The following ACBD3 variants were observed in gnomAD, a reference collection of about 807,000 sequenced individuals.
The protein encoded by ACBD3 is Golgi resident protein GCP60.
A neutral mutation model predicts 66.9 loss-of-function variants in ACBD3; 30 were observed. The observed-to-expected ratio is 0.45, with a 90% CI of 0.34 to 0.61. ACBD3 has a LOEUF of 0.61. ACBD3 is among the 20% of genes least tolerant of loss of function. ACBD3 has a pLI of 0.02. For missense variants in ACBD3, 544 were observed against 664.5 expected, an observed-to-expected ratio of 0.82 and a Z score of 1.99; for synonymous variants, 278 against 259.8, an observed-to-expected ratio of 1.07 and a Z score of -0.68.
intron 7 of ACBD3, among the ~76,000 whole-genome samples, chr1:226,149,527 A>ATTTTTTTTTTTT (rs1558122597): frequency 2.9e-5 from 1 of 34,182 alleles, no homozygotes; most frequent in Non-Finnish European, 5.6e-5. Flanking sequence ...GCGCCCAGCC[A>ATTTTTTTTTTTT]TCTTTTTTTT....
Position 226,170,221 on chromosome 1 carries a change from G to C in ACBD3, c.287-4221C>G, listed in dbSNP as rs559575783. On this transcript the variant is annotated intron_variant, in intron 1 of 7. Transcript: ENST00000366812. ...CACCCAGGCTGGAGTGCAGTGGCAT[G>C]ATCTCGGTTCACTGCAAGCTCTGCC... Among the ~76,000 whole-genome samples the C allele has an allele frequency of 4.6e-3, 671 of 144,534 alleles. 2 individuals carry two copies. The highest frequency in any genetic ancestry group is 7.1e-3 in the Non-Finnish European group (472 of 66,870). The allele number at this position is 144,534 out of a possible 152,430, so 94.8% of individuals were successfully genotyped here.
intron 1 of ACBD3, among the ~76,000 whole-genome samples, chr1:226,186,087 T>C (rs1485391241): frequency 6.6e-6 from 1 of 152,226 alleles, no homozygotes; most frequent in Non-Finnish European, 1.5e-5. Context: ...GAAAGTGGGC[T>C]CATTCTTCCA....
rs1656330397 is a variant in ACBD3, at chr1:226,186,730, C to T, written c.-55G>A. The T allele has an allele frequency of 1.4e-6, 2 of 1,419,646 alleles. No homozygotes were observed. Among genetic ancestry groups the T allele is most frequent in the Non-Finnish European group, 1.8e-6 (2 of 1,088,022 alleles). The allele number at this position is 1,419,646 out of a possible 1,614,324, so 87.9% of individuals were successfully genotyped here. A position where few individuals can be genotyped will look rare whatever the true frequency, so the allele number is the denominator to read the frequency against. On this transcript the variant is annotated 5_prime_UTR_variant, in exon 1 of 8. Transcript: ENST00000366812. ...CAGACGGCAGCCACGTATCGACTTC[C>T]TGCTGACCTCTGACCTCCGCTTACC...
At chr1:226,147,703 A>G (rs1406038965) in intron 7 of ACBD3, among the ~76,000 whole-genome samples, 2 of 152,234 alleles carry the variant, frequency 1.3e-5, no homozygotes, top group African/African-American at 4.8e-5. Flanking sequence ...AATTTAACCC[A>G]GAGATGATCT....
intron 1 of ACBD3, among the ~76,000 whole-genome samples, chr1:226,178,835 C>T (rs1455270922): frequency 6.6e-6 from 1 of 152,150 alleles, no homozygotes; most frequent in Non-Finnish European, 1.5e-5. Flanking sequence ...TGCTTGAATA[C>T]TTCCTGGTGA....
rs1366938696 is a variant in ACBD3 at position 226,164,940 on chromosome 1, T to C, written c.429-11A>G. On this transcript the variant is annotated splice_polypyrimidine_tract_variant and intron_variant, in intron 2 of 7. Transcript: ENST00000366812. Reference sequence around the variant, plus strand: ...GCTGCCCATTCTCTCCTGTAAGGAATAACAAGAAAAGTTACCTCCCCTTCT... The same window carrying C: ...GCTGCCCATTCTCTCCTGTAAGGAACAACAAGAAAAGTTACCTCCCCTTCT... 2 of 1,536,738 alleles carry C rather than the reference T, an allele frequency of 1.3e-6. No individual in the cohort carries two copies. Among genetic ancestry groups the C allele is most frequent in the Non-Finnish European group, 1.7e-6 (2 of 1,143,678 alleles).
At chr1:226,148,438 T>C (rs551666641) in intron 7 of ACBD3, among the ~76,000 whole-genome samples, 1 of 152,342 alleles carries the variant, frequency 6.6e-6, no homozygotes, top group East Asian at 1.9e-4. Flanking sequence ...ACCACAGAAA[T>C]ACCTATAATT....
chr1:226,152,426 C>T lies in ACBD3; in HGVS notation c.1284G>A (p.Gly428=). 6.2e-7 allele frequency: 1 copy of T among 1,614,210 alleles called. No homozygotes were observed. The highest frequency in any genetic ancestry group is 8.5e-7 in the Non-Finnish European group (1 of 1,180,040). ...WEFATDNYDI[G]FGVYFEWTDS... The stretch of plus-strand genomic sequence containing the variant: ...CTGTCCATTCAAAATACACCCCAAA[C>T]CCAATGTCATAATTGTCTGTGGCAA... The change falls in exon 7 of 8, where the codon GGG becomes GGA. Residue 428 remains glycine, a synonymous_variant. Transcript: ENST00000366812.
At position 226,186,378 on chromosome 1, in the gene ACBD3, G is replaced by A. The variant is rs905203701; in HGVS notation, c.286+12C>T. On this transcript the variant is annotated intron_variant, in intron 1 of 7. Transcript: ENST00000366812. ...GGGCAGAAGCGGCGGGGGTGGGGCT[G>A]GCCCGGCTCACCTTTGAAGAAGCGC... is the stretch of plus-strand genomic sequence containing the variant. 236 of 1,511,108 alleles carry A rather than the reference G, an allele frequency of 1.6e-4. No individual in the cohort carries two copies. Among genetic ancestry groups the A allele is most frequent in the Non-Finnish European group, 2.0e-4 (231 of 1,129,554 alleles). The allele number at this position is 1,511,108 out of a possible 1,614,324, so 93.6% of individuals were successfully genotyped here. A position where few individuals can be genotyped will look rare whatever the true frequency, so the allele number is the denominator to read the frequency against.
intron 1 of ACBD3, among the ~76,000 whole-genome samples, chr1:226,178,565 A>T (rs1417286437): frequency 1.0e-5 from 1 of 97,046 alleles, no homozygotes. Context: ...ACAGAGCAAG[A>T]CTCCGTCTCA....
At chr1:226,175,091 C>CAAAAAAA (rs35201518) in intron 1 of ACBD3, among the ~76,000 whole-genome samples, 4 of 75,978 alleles carry the variant, frequency 5.3e-5, no homozygotes, top group Middle Eastern at 6.5e-3. Context: ...GACTCCATCT[C>CAAAAAAA]AAAAAAAAAA....
At position 226,183,961 on chromosome 1, in the gene ACBD3, G is replaced by A. The variant is rs924919222; in HGVS notation, c.286+2429C>T. On this transcript the variant is annotated intron_variant, in intron 1 of 7. Coordinates refer to ENST00000366812, the MANE Select transcript of ACBD3 (RefSeq NM_022735.4). ...AATCCCAGCACTTTGGGAGGCTGAC[G>A]CAGGAGGATCACGAGGTCAGGAAAT... Among the ~76,000 whole-genome samples the A allele has an allele frequency of 4.6e-5, 7 of 150,564 alleles. 1 individual carries two copies. The highest frequency in any genetic ancestry group is 1.2e-4 in the African/African-American group (5 of 40,798).
intron 2 of ACBD3, among the ~76,000 whole-genome samples, chr1:226,165,477 T>G (rs922538799): frequency 6.6e-6 from 1 of 152,192 alleles, no homozygotes; most frequent in Non-Finnish European, 1.5e-5. Flanking sequence ...GGCCTATTTT[T>G]CTTATATAAT....
chr1:226,156,980 A>T (rs1209175531), intron 5 of ACBD3, among the ~76,000 whole-genome samples: 1 of 152,216 alleles, frequency 6.6e-6, no homozygotes, highest in Admixed American at 6.5e-5. Flanking sequence ...ATAGATTGTA[A>T]TGATATATTT....
At chr1:226,147,034 G>A (rs1659468064) in intron 7 of ACBD3, among the ~76,000 whole-genome samples, 1 of 152,118 alleles carries the variant, frequency 6.6e-6, no homozygotes, top group Non-Finnish European at 1.5e-5. Flanking sequence ...TGGGATTACA[G>A]GCGTGCACCA....
At chr1:226,171,149 C>T (rs1222943868) in intron 1 of ACBD3, among the ~76,000 whole-genome samples, 1 of 116,862 alleles carries the variant, frequency 8.6e-6, no homozygotes, top group Non-Finnish European at 1.8e-5. Flanking sequence ...GGTAAGTAAA[C>T]AATTTTTTTT....
intron 1 of ACBD3, among the ~76,000 whole-genome samples, chr1:226,168,303 G>A (rs552385376): frequency 6.6e-6 from 1 of 152,232 alleles, no homozygotes; most frequent in Non-Finnish European, 1.5e-5. Flanking sequence ...TGAAAGAAGG[G>A]AAAGCAAAAC....
intron 1 of ACBD3, among the ~76,000 whole-genome samples, chr1:226,182,006 G>A (rs1201297897): frequency 6.6e-6 from 1 of 151,926 alleles, no homozygotes; most frequent in African/African-American, 2.4e-5. Context: ...CAAGGCGGGT[G>A]AATCGCTTGA....
intron 1 of ACBD3, 96 bp downstream of exon 1, chr1:226,186,294 G>A (rs1656304601): frequency 1.5e-6 from 2 of 1,358,878 alleles, no homozygotes; most frequent in Admixed American, 3.5e-5. Flanking sequence ...ATGAGTGGGT[G>A]AGGGCAAGTC....
Sources: gnomAD v4.1 joint callset for allele counts (sites outside exome capture counted in the v4.1 genomes callset) on GRCh38, gnomAD v4.1.1 for gene constraint, MANE v1.5 for transcripts, NCBI Gene and HGNC (gene_info 2026-07-23, HGNC 2026-07-21) for gene names.